RPF1: variants seen among roughly 807,000 people sequenced by gnomAD.
RPF1 encodes the protein ribosome production factor 1.
In RPF1, 34 loss-of-function variants were observed where a neutral mutation model predicts 41.9. That is an observed-to-expected ratio of 0.81 (90% CI 0.62 to 1.08). The LOEUF is 1.08. Ranked by LOEUF, RPF1 falls within the 50% of genes least tolerant of loss-of-function variation. RPF1 has a pLI of 0.00. For missense variants in RPF1, 425 were observed against 435.2 expected, an observed-to-expected ratio of 0.98 and a Z score of 0.21; for synonymous variants, 140 against 148.9, an observed-to-expected ratio of 0.94 and a Z score of 0.43.
intron 3 of RPF1, among the ~76,000 whole-genome samples, chr1:84,484,973 G>A (rs1156608328): frequency 2.0e-5 from 3 of 152,090 alleles, no homozygotes; most frequent in Non-Finnish European, 2.9e-5. Flanking sequence ...CACTTAGCCA[G>A]ACCAGAAGTC....
chr1:84,496,566 T>TAAAAAA (rs34913814), intron 8 of RPF1, among the ~76,000 whole-genome samples, 196 bp downstream of exon 8: 1 of 131,876 alleles, frequency 7.6e-6, no homozygotes, highest in African/African-American at 2.9e-5. Flanking sequence ...ACCCTTGAAC[T>TAAAAAA]AAAAAAAAAA....
intron 3 of RPF1, among the ~76,000 whole-genome samples, chr1:84,484,699 T>C (rs1037350468): frequency 7.2e-5 from 11 of 151,802 alleles, no homozygotes; most frequent in East Asian, 1.9e-4. Context: ...TTTTTTTTTT[T>C]CTCCGAGGTG....
rs551719748 is a variant in RPF1 at position 84,486,035 on chromosome 1, T to C, written c.366+3040T>C. 1.5e-4 allele frequency among the ~76,000 whole-genome samples: 23 copies of C among 152,176 alleles called. No individual in the cohort carries two copies. The South Asian group carries it at 4.8e-3, about 32-fold the overall frequency. ...AAAGACTTGAAGGATGTGAGGAAAT[T>C]AGCCATCTTTGGGCAAAAAGAGCCC... On this transcript the variant is annotated intron_variant, in intron 3 of 8. Coordinates refer to ENST00000370654, the MANE Select transcript of RPF1 (RefSeq NM_025065.7).
At chr1:84,482,176 T>G (rs1681662573) in intron 2 of RPF1, among the ~76,000 whole-genome samples, 1 of 152,224 alleles carries the variant, frequency 6.6e-6, no homozygotes, top group Non-Finnish European at 1.5e-5. Context: ...CAGTTTGTAT[T>G]TTCTTCATAG....
Position 84,496,025 on chromosome 1 carries a change from C to T in RPF1, c.843C>T (p.Phe281=), listed in dbSNP as rs763640936. ...TTATCGGAAGGCAGGTTGCCACATT[C>T]CACAATCAACGGGATTACATATTCT... ...PQFIGRQVAT[F]HNQRDYIFFR... The change falls in exon 7 of 9, where the codon TTC becomes TTT. Residue 281 remains phenylalanine (F), a synonymous_variant. Transcript: ENST00000370654. The T allele has an allele frequency of 4.3e-6, 7 of 1,612,682 alleles. No homozygotes were observed. The South Asian group carries it at 6.6e-5, about 15-fold the overall frequency.
chr1:84,496,243 GATAC>G lies in RPF1; in HGVS notation c.885_888del (p.Ile296SerfsTer18), dbSNP rs765001724. 4 of 1,609,158 alleles carry G rather than the reference GATAC, an allele frequency of 2.5e-6. No individual in the cohort carries two copies. The African/African-American group carries it at 4.0e-5, about 16-fold the overall frequency. The stretch of plus-strand genomic sequence containing the variant: ...TAATTTAACTCTTTTTGTCTTTGAA[GATAC>G]ATATTCAGGAGTGAAAAGAAAGTGG... On this transcript the variant is annotated frameshift_variant and splice_region_variant, in exon 8 of 9. Coordinates refer to ENST00000370654, the MANE Select transcript of RPF1 (RefSeq NM_025065.7). LOFTEE classifies it high-confidence loss of function.
intron 3 of RPF1, among the ~76,000 whole-genome samples, chr1:84,485,916 T>C (rs529830928): frequency 1.3e-5 from 2 of 152,326 alleles, no homozygotes; most frequent in East Asian, 3.9e-4. Flanking sequence ...TTCCCCTTGA[T>C]TGATTGATTG....
At chr1:84,493,332 CAAAAAAA>C (rs376130673) in intron 5 of RPF1, among the ~76,000 whole-genome samples, 3 of 104,082 alleles carry the variant, frequency 2.9e-5, no homozygotes, top group East Asian at 3.0e-4. Context: ...GCACTACTAT[CAAAAAAA>C]AAAAAAAAAA....
In RPF1 at chr1:84,492,905, G is replaced by T. The variant is rs565906697; in HGVS notation, c.616+2433G>T. Among the ~76,000 whole-genome samples the T allele has an allele frequency of 3.3e-5, 5 of 152,278 alleles. No homozygotes were observed. In the South Asian group the frequency reaches 1.0e-3, roughly 32 times the overall value. On this transcript the variant is annotated intron_variant, in intron 5 of 8. Coordinates refer to ENST00000370654, the MANE Select transcript of RPF1 (RefSeq NM_025065.7). ...GGCTTAAGCTAGGTGCAGTCCCACC[G>T]TGGTTGAGATCTGCAGTTGCCTTAG...
rs1035347175 is a variant in RPF1 at position 84,485,947 on chromosome 1, A to G, written c.366+2952A>G. 3.9e-5 allele frequency among the ~76,000 whole-genome samples: 6 copies of G among 152,018 alleles called. No homozygotes were observed. In the East Asian group the frequency reaches 5.8e-4, roughly 15 times the overall value. ...GATTGTGTCTCTTGCCCATTTGTCTACTGGGTAGTGATTTTATATAGGAAA... is the reference window on the plus strand; with the variant it reads ...GATTGTGTCTCTTGCCCATTTGTCTGCTGGGTAGTGATTTTATATAGGAAA... On this transcript the variant is annotated intron_variant, in intron 3 of 8. Coordinates refer to ENST00000370654, the MANE Select transcript of RPF1 (RefSeq NM_025065.7).
At chr1:84,481,064 C>A in intron 2 of RPF1, 52 bp downstream of exon 2, 1 of 918,660 alleles carries the variant, frequency 1.1e-6, no homozygotes, top group Non-Finnish European at 1.7e-6. Context: ...GGGAATCCCT[C>A]CTGATATTTA....
At chr1:84,484,077 A>T (rs1346008051) in intron 3 of RPF1, among the ~76,000 whole-genome samples, 7 of 152,240 alleles carry the variant, frequency 4.6e-5, no homozygotes, top group African/African-American at 1.7e-4. Context: ...TTAGCCAGTG[A>T]TAGCTTACTA....
Position 84,495,973 on chromosome 1 carries a change from C to G in RPF1, c.791C>G (p.Ala264Gly). 1 of 1,608,672 alleles carries G rather than the reference C, an allele frequency of 6.2e-7. No individual in the cohort carries two copies. The highest frequency in any genetic ancestry group is 8.5e-7 in the Non-Finnish European group (1 of 1,175,112). The part of the protein sequence containing the change: ...RLGHSIGRMF[A>G]SLFPHNPQFI... Reference sequence around the variant, plus strand: ...GGTCATTCAATTGGACGTATGTTTGCATCTCTCTTTCCTCATAATCCTCAA... The same window carrying G: ...GGTCATTCAATTGGACGTATGTTTGGATCTCTCTTTCCTCATAATCCTCAA... The change falls in exon 7 of 9, where the codon GCA becomes GGA. Residue 264 changes from alanine (A) to glycine (G), a missense_variant. By Grantham distance (60) the Ala-to-Gly change is moderately conservative. Coordinates refer to ENST00000370654, the MANE Select transcript of RPF1 (RefSeq NM_025065.7).
Position 84,497,578 on chromosome 1 carries a change from A to C in RPF1, c.*108A>C. On this transcript the variant is annotated 3_prime_UTR_variant, in exon 9 of 9. Coordinates refer to ENST00000370654, the MANE Select transcript of RPF1 (RefSeq NM_025065.7). ...CAAAATGGCATTTGCTGATTTCATAAACCTTTCACGTCTGGACGAATTACC... is the reference window on the plus strand; with the variant it reads ...CAAAATGGCATTTGCTGATTTCATACACCTTTCACGTCTGGACGAATTACC... The C allele has an allele frequency of 1.3e-6, 1 of 767,792 alleles. No individual in the cohort carries two copies. The highest frequency in any genetic ancestry group is 2.9e-5 in the East Asian group (1 of 34,674). The allele number at this position is 767,792 out of a possible 1,614,324, so 47.6% of individuals were successfully genotyped here. A position where few individuals can be genotyped will look rare whatever the true frequency, so the allele number is the denominator to read the frequency against.
chr1:84,492,158 C>CA (rs11337622), intron 5 of RPF1, among the ~76,000 whole-genome samples: 168 of 144,098 alleles, frequency 1.2e-3, no homozygotes, highest in African/African-American at 2.7e-3. Flanking sequence ...AAGACTCTGT[C>CA]AAAAAAAAAA....
At position 84,497,272 on chromosome 1, in the gene RPF1, C is replaced by T. The variant is rs576184563; in HGVS notation, c.1009-157C>T. 1.4e-4 allele frequency among the ~76,000 whole-genome samples: 21 copies of T among 151,714 alleles called. No homozygotes were observed. The South Asian group carries it at 3.3e-3, about 24-fold the overall frequency. Reference sequence around the variant, plus strand: ...ACTGCCAACATCTTTTATATTAGACCGAAGACTGACTATTCGGGGTCTCGC... The same window carrying T: ...ACTGCCAACATCTTTTATATTAGACTGAAGACTGACTATTCGGGGTCTCGC... On this transcript the variant is annotated intron_variant, in intron 8 of 8. Coordinates refer to ENST00000370654, the MANE Select transcript of RPF1 (RefSeq NM_025065.7).
chr1:84,493,292 A>G (rs1235391736), intron 5 of RPF1, among the ~76,000 whole-genome samples: 1 of 151,516 alleles, frequency 6.6e-6, no homozygotes, highest in Non-Finnish European at 1.5e-5. Context: ...ATAGAATTCA[A>G]ACGTTTGCTG....
chr1:84,497,548 C>T lies in RPF1; in HGVS notation c.*78C>T. On this transcript the variant is annotated 3_prime_UTR_variant, in exon 9 of 9. Coordinates refer to ENST00000370654, the MANE Select transcript of RPF1 (RefSeq NM_025065.7). Reference sequence around the variant, plus strand: ...GGTAAATTATTTTTGACAGAATACTCTTTTCAAAATGGCATTTGCTGATTT... The same window carrying T: ...GGTAAATTATTTTTGACAGAATACTTTTTTCAAAATGGCATTTGCTGATTT... 9.0e-7 allele frequency: 1 copy of T among 1,106,208 alleles called. No homozygotes were observed. The allele number at this position is 1,106,208 out of a possible 1,614,324, so 68.5% of individuals were successfully genotyped here. A position where few individuals can be genotyped will look rare whatever the true frequency, so the allele number is the denominator to read the frequency against.
chr1:84,498,078 G>A lies in RPF1; in HGVS notation c.*608G>A, dbSNP rs975230340. On this transcript the variant is annotated 3_prime_UTR_variant, in exon 9 of 9. Transcript: ENST00000370654. ...CATGGTGCTGTAGTACTCCATTCAG[G>A]CACTGAAACAAAGTTAACCCTATAA... is the stretch of plus-strand genomic sequence containing the variant. 1.3e-5 allele frequency among the ~76,000 whole-genome samples: 2 copies of A among 152,078 alleles called. No individual in the cohort carries two copies. The highest frequency in any genetic ancestry group is 1.3e-4 in the Admixed American group (2 of 15,270).
Sources: allele counts gnomAD v4.1 joint callset (sites outside exome capture counted in the v4.1 genomes callset), GRCh38; gene constraint gnomAD v4.1.1; transcripts MANE v1.5; gene names NCBI Gene and HGNC (gene_info 2026-07-23, HGNC 2026-07-21).